Variants in HS3ST5 observed in about 807,000 individuals in gnomAD.
HS3ST5 encodes heparan sulfate-glucosamine 3-sulfotransferase 5, also known as heparan sulfate glucosamine 3-O-sulfotransferase 5.
A neutral mutation model predicts 25.4 loss-of-function variants in HS3ST5; 10 were observed. The ratio of observed to expected loss-of-function variants is 0.39; its 90% confidence interval spans 0.24 to 0.67. The LOEUF is 0.67. Among genes scored for constraint, HS3ST5 ranks in the 30% least tolerant of loss-of-function variants. The probability of loss-of-function intolerance (pLI) is 0.44; values close to 1 mark genes in which losing one functional copy is unlikely to be tolerated. For synonymous variants in HS3ST5, 170 were observed against 162.4 expected (o/e 1.05, Z -0.36); for missense variants, 324 against 420.7 (o/e 0.77, Z 2.01).
chr6:114,226,665 T>C (rs1771306126), intron 2 of HS3ST5, among the ~76,000 whole-genome samples: 1 of 151,960 alleles, frequency 6.6e-6, no homozygotes. Context: ...TTTCTATGAT[T>C]CTATAAAGTT....
At chr6:114,255,905 C>T (rs933590348) in intron 1 of HS3ST5, among the ~76,000 whole-genome samples, 1 of 152,162 alleles carries the variant, frequency 6.6e-6, no homozygotes, top group Admixed American at 6.5e-5. Flanking sequence ...TGCCAGGAGA[C>T]ATTTTCCCCA....
intron 2 of HS3ST5, among the ~76,000 whole-genome samples, chr6:114,184,411 G>A (rs1353474737): frequency 1.3e-5 from 2 of 152,128 alleles, no homozygotes; most frequent in Non-Finnish European, 2.9e-5. Flanking sequence ...TGTTCAGTAA[G>A]GAGATTAGTA....
intron 3 of HS3ST5, among the ~76,000 whole-genome samples, chr6:114,104,687 C>T (rs1427308157): frequency 6.6e-6 from 1 of 152,164 alleles, no homozygotes; most frequent in Non-Finnish European, 1.5e-5. Flanking sequence ...ACCCTACTTA[C>T]TTAGAAAGTT....
chr6:114,126,123 A>T (rs1042204198), intron 3 of HS3ST5, among the ~76,000 whole-genome samples: 4 of 152,232 alleles, frequency 2.6e-5, no homozygotes, highest in African/African-American at 4.8e-5. Flanking sequence ...AAGAAACAAC[A>T]TTTCAAAAAT....
intron 1 of HS3ST5, among the ~76,000 whole-genome samples, chr6:114,311,689 C>T (rs950451373): frequency 4.0e-5 from 6 of 151,780 alleles, no homozygotes; most frequent in Non-Finnish European, 2.9e-5. Flanking sequence ...ACTACAGGCA[C>T]GCAACACCAC....
At chr6:114,280,398 A>G (rs1774054649) in intron 1 of HS3ST5, among the ~76,000 whole-genome samples, 2 of 151,938 alleles carry the variant, frequency 1.3e-5, no homozygotes, top group South Asian at 4.1e-4. Context: ...GCCTTTCAAC[A>G]GGTAAGATGA....
chr6:114,245,925 A>G (rs1049841979), intron 1 of HS3ST5, among the ~76,000 whole-genome samples: 4 of 152,226 alleles, frequency 2.6e-5, no homozygotes, highest in Admixed American at 6.5e-5. Context: ...ACTGACATAA[A>G]GGTAAAAATT....
intron 3 of HS3ST5, among the ~76,000 whole-genome samples, chr6:114,118,647 C>T (rs919421060): frequency 6.6e-6 from 1 of 152,122 alleles, no homozygotes; most frequent in Non-Finnish European, 1.5e-5. Context: ...GCCTCATGAC[C>T]AAAATGAATT....
chr6:114,104,384 A>G lies in HS3ST5; in HGVS notation c.-32-41507T>C, dbSNP rs115973306. On this transcript the variant is annotated intron_variant, in intron 3 of 4. Coordinates refer to ENST00000312719, the MANE Select transcript of HS3ST5 (RefSeq NM_153612.4). Reference sequence around the variant, plus strand: ...AGTGTTTATATCAGTGGTGCTTGGTATCTCAAATCCAGGCCTCCCGGCAGC... The same window carrying G: ...AGTGTTTATATCAGTGGTGCTTGGTGTCTCAAATCCAGGCCTCCCGGCAGC... Among the ~76,000 whole-genome samples, 200 of 152,262 alleles carry G rather than the reference A, an allele frequency of 1.3e-3. 1 individual carries two copies. The highest frequency in any genetic ancestry group is 4.5e-3 in the African/African-American group (185 of 41,546).
intron 1 of HS3ST5, among the ~76,000 whole-genome samples, chr6:114,239,950 CTCATCACTGAATTCAGCTTAAAT>C (rs1772029706): frequency 6.6e-6 from 1 of 151,960 alleles, no homozygotes; most frequent in South Asian, 2.1e-4. Flanking sequence ...CAGCACAAAG[CTCATCACTGAATTCAGCTTAAAT>C]TGTTTTACAT....
chr6:114,091,034 A>G (rs994441278), intron 3 of HS3ST5, among the ~76,000 whole-genome samples: 9 of 152,114 alleles, frequency 5.9e-5, no homozygotes, highest in African/African-American at 1.7e-4. Context: ...GAAAAAAACT[A>G]TTTCTTTCAT....
At chr6:114,155,953 G>A (rs1778678333) in intron 3 of HS3ST5, among the ~76,000 whole-genome samples, 1 of 152,152 alleles carries the variant, frequency 6.6e-6, no homozygotes, top group East Asian at 1.9e-4. Context: ...GGACCATACT[G>A]TAAGTAACAG....
chr6:114,263,561 A>G (rs544380482), intron 1 of HS3ST5, among the ~76,000 whole-genome samples: 1 of 152,318 alleles, frequency 6.6e-6, no homozygotes, highest in East Asian at 1.9e-4. Flanking sequence ...CTTATTTTAG[A>G]TGGAAGCTCA....
intron 1 of HS3ST5, among the ~76,000 whole-genome samples, chr6:114,306,529 A>G (rs1288520981): frequency 6.6e-6 from 1 of 152,072 alleles, no homozygotes; most frequent in South Asian, 2.1e-4. Context: ...TATTATATTT[A>G]TAGTAATTTT....
chr6:114,136,179 G>A (rs1207071057), intron 3 of HS3ST5, among the ~76,000 whole-genome samples: 1 of 152,206 alleles, frequency 6.6e-6, no homozygotes, highest in Admixed American at 6.5e-5. Flanking sequence ...TGGTTTGGCT[G>A]TGTCCCCACC....
intron 1 of HS3ST5, among the ~76,000 whole-genome samples, chr6:114,330,976 C>T (rs545492250): frequency 1.3e-5 from 2 of 152,336 alleles, no homozygotes; most frequent in East Asian, 3.9e-4. Flanking sequence ...TATCCCCTTT[C>T]AATTTCAAAA....
At chr6:114,140,798 G>A (rs555154936) in intron 3 of HS3ST5, among the ~76,000 whole-genome samples, 21 of 152,356 alleles carry the variant, frequency 1.4e-4, no homozygotes, top group African/African-American at 4.3e-4. Context: ...GTTGGAAGCA[G>A]TACAGGGCAG....
intron 1 of HS3ST5, among the ~76,000 whole-genome samples, chr6:114,280,670 A>G (rs951998823): frequency 2.6e-5 from 4 of 152,036 alleles, no homozygotes; most frequent in Non-Finnish European, 4.4e-5. Flanking sequence ...AAAGTAAGAT[A>G]TTTCTAAAGG....
chr6:114,311,610 T>C (rs1775538968), intron 1 of HS3ST5, among the ~76,000 whole-genome samples: 1 of 132,794 alleles, frequency 7.5e-6, no homozygotes, highest in Non-Finnish European at 1.6e-5. Context: ...TGGCACAATC[T>C]CAGCTCACTG....
Sources: gnomAD v4.1 joint callset for allele counts (sites outside exome capture counted in the v4.1 genomes callset) on GRCh38, gnomAD v4.1.1 for gene constraint, MANE v1.5 for transcripts, NCBI Gene and HGNC (gene_info 2026-07-23, HGNC 2026-07-21) for gene names.